SLC24A2: variants seen among roughly 807,000 people sequenced by gnomAD.
SLC24A2 encodes the protein solute carrier family 24 member 2.
In SLC24A2, 36 loss-of-function variants were observed where a neutral mutation model predicts 62.0. The observed-to-expected ratio is 0.58, with a 90% confidence interval of 0.44 to 0.77. The LOEUF is 0.77. Among genes scored for constraint, SLC24A2 ranks in the 30% least tolerant of loss-of-function variants. The pLI, the probability that SLC24A2 is intolerant of heterozygous loss-of-function variation, is 0.00. For synonymous variants in SLC24A2, 358 were observed against 294.0 expected, an observed-to-expected ratio of 1.22 and a Z score of -2.23; for missense variants, 846 against 817.9, an observed-to-expected ratio of 1.03 and a Z score of -0.42.
At chr9:20,140,126 G>C in the SLC24A2 span, among the ~76,000 whole-genome samples, 134 of 152,286 alleles carry the variant, frequency 8.8e-4, 1 homozygote, top group Non-Finnish European at 1.6e-3. Context: ...ACTGAGATGC[G>C]GCGAGAGAGT....
At chr9:19,669,291 T>C (rs773003754) in intron 2 of SLC24A2, among the ~76,000 whole-genome samples, 22 of 151,730 alleles carry the variant, frequency 1.4e-4, no homozygotes, top group Admixed American at 9.2e-4. Context: ...TGTGAGTGGG[T>C]TGGGTGGGGA....
intron 2 of SLC24A2, among the ~76,000 whole-genome samples, chr9:19,781,250 C>T (rs1823011740): frequency 6.6e-6 from 1 of 152,096 alleles, no homozygotes; most frequent in Non-Finnish European, 1.5e-5. Context: ...AATAGCTTAA[C>T]ACACGATCCC....
intron 5 of SLC24A2, among the ~76,000 whole-genome samples, chr9:19,585,156 C>CT (rs144474408): frequency 8.8e-4 from 134 of 152,210 alleles, no homozygotes; most frequent in African/African-American, 3.2e-3. Context: ...TAAAAAAAGA[C>CT]TTTTTTTCCT....
chr9:20,159,252 T>C, the SLC24A2 span, among the ~76,000 whole-genome samples: 3 of 151,616 alleles, frequency 2.0e-5, no homozygotes, highest in Non-Finnish European at 4.4e-5. Flanking sequence ...TCTCAACTTT[T>C]TTCCCCCATT....
the SLC24A2 span, among the ~76,000 whole-genome samples, chr9:19,828,261 T>C: frequency 2.0e-4 from 30 of 152,208 alleles, no homozygotes; most frequent in Non-Finnish European, 3.2e-4. Context: ...TATTGTTTAT[T>C]TTAAGATAAC....
At chr9:19,830,688 C>T in the SLC24A2 span, among the ~76,000 whole-genome samples, 14 of 152,196 alleles carry the variant, frequency 9.2e-5, no homozygotes, top group East Asian at 7.7e-4. Flanking sequence ...CATCTAGACC[C>T]GGCAGACTCC....
At chr9:19,683,432 A>C (rs1033140224) in intron 2 of SLC24A2, among the ~76,000 whole-genome samples, 10 of 152,084 alleles carry the variant, frequency 6.6e-5, no homozygotes, top group African/African-American at 2.4e-4. Flanking sequence ...GAAATGGAAG[A>C]GTCCAGAAAA....
chr9:20,118,617 G>C, the SLC24A2 span, among the ~76,000 whole-genome samples: 1 of 151,132 alleles, frequency 6.6e-6, no homozygotes, highest in Non-Finnish European at 1.5e-5. Context: ...AATTCAACCT[G>C]GTATTTATTT....
At chr9:20,298,162 G>A in the SLC24A2 span, among the ~76,000 whole-genome samples, 2 of 152,210 alleles carry the variant, frequency 1.3e-5, no homozygotes, top group African/African-American at 2.4e-5. Flanking sequence ...CATTCCCACA[G>A]ATCTGTGAGC....
the SLC24A2 span, among the ~76,000 whole-genome samples, chr9:19,941,590 T>TGAGAGA: frequency 7.0e-5 from 9 of 127,916 alleles, no homozygotes; most frequent in South Asian, 2.6e-4. Context: ...TGTGTGTGTG[T>TGAGAGA]GAGAGAGAGA....
chr9:19,651,483 G>A (rs866057168), intron 2 of SLC24A2, among the ~76,000 whole-genome samples: 1 of 152,216 alleles, frequency 6.6e-6, no homozygotes, highest in African/African-American at 2.4e-5. Flanking sequence ...ATTGTAGCCA[G>A]TGAGGCCTCC....
At chr9:19,925,981 G>A in the SLC24A2 span, 1 of 152,112 alleles carries the variant, frequency 6.6e-6, no homozygotes, top group African/African-American at 2.4e-5. Flanking sequence ...TAATTGCACA[G>A]TATTTCGAAT....
the SLC24A2 span, among the ~76,000 whole-genome samples, chr9:20,056,797 C>A: frequency 1.3e-5 from 2 of 152,152 alleles, no homozygotes; most frequent in South Asian, 2.1e-4. Flanking sequence ...TGCAATCCAG[C>A]AATGTAACAT....
intron 9 of SLC24A2, among the ~76,000 whole-genome samples, chr9:19,525,386 CTTTACTTTTTTTTTTTTTTTTT>C (rs1299421680): frequency 2.1e-5 from 1 of 47,200 alleles, no homozygotes; most frequent in Admixed American, 2.7e-4. Context: ...TTTCCTATTT[CTTTACTTTTTTTTTTTTTTTTT>C]TTTTTTTTTT....
At chr9:20,242,334 G>C in the SLC24A2 span, among the ~76,000 whole-genome samples, 2 of 152,294 alleles carry the variant, frequency 1.3e-5, no homozygotes, top group South Asian at 4.1e-4. Flanking sequence ...AACTAAAGAG[G>C]AAAGACTTCC....
intron 2 of SLC24A2, among the ~76,000 whole-genome samples, chr9:19,779,024 T>C (rs185223276): frequency 1.3e-5 from 2 of 152,238 alleles, no homozygotes; most frequent in Non-Finnish European, 2.9e-5. Context: ...AGAAAGTCAA[T>C]AGATGCGCTT....
At chr9:20,264,639 C>T in the SLC24A2 span, among the ~76,000 whole-genome samples, 2 of 152,156 alleles carry the variant, frequency 1.3e-5, no homozygotes, top group East Asian at 1.9e-4. Context: ...AAGATGAGAG[C>T]AATCAATCAT....
At chr9:19,972,708 C>A in the SLC24A2 span, among the ~76,000 whole-genome samples, 7 of 152,184 alleles carry the variant, frequency 4.6e-5, no homozygotes, top group East Asian at 1.4e-3. Context: ...TTTAATTTTC[C>A]TGGTAATTCA....
intron 8 of SLC24A2, among the ~76,000 whole-genome samples, chr9:19,549,682 G>C (rs1386609369): frequency 6.6e-6 from 1 of 152,200 alleles, no homozygotes; most frequent in African/African-American, 2.4e-5. Context: ...TGGCAAAGAA[G>C]CCTCCAGATG....
Sources: allele counts gnomAD v4.1 joint callset (sites outside exome capture counted in the v4.1 genomes callset), GRCh38; gene constraint gnomAD v4.1.1; transcripts MANE v1.5; gene names NCBI Gene and HGNC (gene_info 2026-07-23, HGNC 2026-07-21).